The following ACOXL variants were observed in gnomAD, a reference collection of about 807,000 sequenced individuals.
ACOXL encodes acyl-CoA oxidase like.
ACOXL carries 70 observed loss-of-function variants against 71.9 expected under a neutral mutation model. That is an observed-to-expected ratio of 0.97 (90% CI 0.80 to 1.19). The LOEUF is 1.19. Ranked by LOEUF, ACOXL falls within the 50% of genes most tolerant of loss-of-function variation. The pLI is 0.00. For synonymous variants in ACOXL, 253 were observed against 281.6 expected (o/e 0.90, Z 1.02); for missense variants, 703 against 736.3 (o/e 0.95, Z 0.52).
rs72944291 is a variant in ACOXL, at chr2:110,970,127, A to T, written c.1060-16981A>T. 3.0e-3 allele frequency among the ~76,000 whole-genome samples: 458 copies of T among 152,262 alleles called. 2 individuals carry two copies. Among genetic ancestry groups the T allele is most frequent in the African/African-American group, 0.01 (422 of 41,570 alleles). On this transcript the variant is annotated intron_variant, in intron 12 of 17. Transcript: ENST00000439055. ...AATAGAAGAGGAGAGGTACTCCTTG[A>T]TTATTTTAGAAGGCTAGTATTACTC...
chr2:111,007,304 A>G (rs1020705245), intron 14 of ACOXL, among the ~76,000 whole-genome samples: 4 of 152,144 alleles, frequency 2.6e-5, no homozygotes, highest in African/African-American at 9.7e-5. Flanking sequence ...CCATCAGTGG[A>G]TCTTTTTGGA....
intron 2 of ACOXL, among the ~76,000 whole-genome samples, chr2:110,781,326 G>T (rs1683296861): frequency 6.6e-6 from 1 of 152,256 alleles, no homozygotes; most frequent in East Asian, 1.9e-4. Context: ...GGGCACAAGA[G>T]TCTGGTGAAG....
Position 111,031,713 on chromosome 2 carries a change from A to T in ACOXL, c.1368A>T (p.Arg456=). ...VASLSLAHTH[R]VTLEQFSLAV... is the part of the protein sequence containing the mutation. ...CTCTGTCCCTGGCACACACTCACCG[A>T]GGTCAGTTGGCTCCTGTTGAATATT... is the stretch of plus-strand genomic sequence containing the variant. Residue 456 remains arginine, a splice_region_variant and synonymous_variant, in exon 15 of 18, where the codon CGA becomes CGT. Coordinates refer to ENST00000439055, the MANE Select transcript of ACOXL (RefSeq NM_001142807.4). 1 of 1,614,092 alleles carries T rather than the reference A, an allele frequency of 6.2e-7. No homozygotes were observed. Among genetic ancestry groups the T allele is most frequent in the Non-Finnish European group, 8.5e-7 (1 of 1,180,016 alleles).
chr2:110,991,429 G>A (rs1264785928), intron 13 of ACOXL, among the ~76,000 whole-genome samples: 3 of 152,074 alleles, frequency 2.0e-5, no homozygotes, highest in African/African-American at 7.2e-5. Flanking sequence ...GCTCATGAAT[G>A]TATTGTCTCC....
chr2:111,043,882 A>G (rs574884802), intron 15 of ACOXL, among the ~76,000 whole-genome samples: 2 of 152,210 alleles, frequency 1.3e-5, no homozygotes, highest in African/African-American at 4.8e-5. Context: ...TGAGAGCCAC[A>G]TTTCCCTACC....
intron 10 of ACOXL, among the ~76,000 whole-genome samples, chr2:110,866,454 A>G (rs1429216346): frequency 6.6e-6 from 1 of 152,210 alleles, no homozygotes; most frequent in African/African-American, 2.4e-5. Context: ...ATGAATAGCC[A>G]GAGCCGAATG....
intron 10 of ACOXL, among the ~76,000 whole-genome samples, chr2:110,876,194 T>A (rs1344906437): frequency 1.3e-5 from 2 of 152,228 alleles, no homozygotes; most frequent in African/African-American, 4.8e-5. Flanking sequence ...CATCTTGTAA[T>A]GCTCCATCTT....
Position 110,805,310 on chromosome 2 carries a change from A to G in ACOXL, c.668A>G (p.Asn223Ser). ...GGACAGTACCATTCGCCTATTAGGAACAAGAGTGCAAGATTCAATGCCATG... is the reference window on the plus strand; with the variant it reads ...GGACAGTACCATTCGCCTATTAGGAGCAAGAGTGCAAGATTCAATGCCATG... ...PDGQYHSPIR[N>S]KSARFNAMLA... is the part of the protein sequence containing the mutation. The change falls in exon 9 of 18, where the codon AAC (asparagine) becomes AGC (serine). Residue 223 changes from asparagine (N) to serine (S), a missense_variant. Coordinates refer to ENST00000439055, the MANE Select transcript of ACOXL (RefSeq NM_001142807.4). 2 of 1,614,248 alleles carry G rather than the reference A, an allele frequency of 1.2e-6. No individual in the cohort carries two copies. The highest frequency in any genetic ancestry group is 1.7e-6 in the Non-Finnish European group (2 of 1,180,048).
intron 17 of ACOXL, among the ~76,000 whole-genome samples, chr2:111,116,485 T>C (rs1003260692): frequency 2.5e-5 from 3 of 119,582 alleles, no homozygotes. Flanking sequence ...GGGACCTCAC[T>C]GAAAACCTGA....
intron 9 of ACOXL, among the ~76,000 whole-genome samples, chr2:110,814,595 A>C (rs1687707203): frequency 6.6e-6 from 1 of 152,234 alleles, no homozygotes; most frequent in South Asian, 2.1e-4. Flanking sequence ...GAAGGGAAGC[A>C]AAATAATGGT....
rs2070474977 is a variant in ACOXL at position 111,117,990 on chromosome 2, T to C, written c.*174T>C. 1 of 749,420 alleles carries C rather than the reference T, an allele frequency of 1.3e-6. No homozygotes were observed. Among genetic ancestry groups the C allele is most frequent in the South Asian group, 1.9e-5 (1 of 53,472 alleles). 46.4% of individuals were successfully genotyped at this position (749,420 alleles called of 1,614,324 possible). ...GCTGGCGAGGTGCGCGGCTGGCTGC[T>C]AGGAAAGAGATCCAGACGGTCGCCT... On this transcript the variant is annotated 3_prime_UTR_variant, in exon 18 of 18. Transcript: ENST00000439055.
intron 10 of ACOXL, among the ~76,000 whole-genome samples, chr2:110,863,374 TATG>T (rs1445550424): frequency 1.3e-5 from 2 of 152,210 alleles, no homozygotes; most frequent in Non-Finnish European, 2.9e-5. Flanking sequence ...TTTTCCAAAA[TATG>T]AAGGCAATAT....
intron 10 of ACOXL, among the ~76,000 whole-genome samples, chr2:110,878,924 G>C (rs557798605): frequency 7.2e-5 from 11 of 152,098 alleles, no homozygotes; most frequent in Non-Finnish European, 1.3e-4. Context: ...CAGGCATGGT[G>C]GTGGGTGCCT....
intron 9 of ACOXL, among the ~76,000 whole-genome samples, chr2:110,826,445 T>C (rs1689170212): frequency 6.6e-6 from 1 of 152,196 alleles, no homozygotes; most frequent in African/African-American, 2.4e-5. Flanking sequence ...CTTCTCAGAG[T>C]TGATGGGCTT....
intron 1 of ACOXL, among the ~76,000 whole-genome samples, chr2:110,764,467 C>T (rs1680786853): frequency 6.6e-6 from 1 of 152,040 alleles, no homozygotes; most frequent in Admixed American, 6.5e-5. Flanking sequence ...AAAGGCAAAA[C>T]TATGGAGACA....
intron 14 of ACOXL, among the ~76,000 whole-genome samples, chr2:111,023,262 A>C (rs749936284): frequency 2.0e-5 from 3 of 152,120 alleles, no homozygotes; most frequent in Non-Finnish European, 2.9e-5. Flanking sequence ...AGCACGGTCA[A>C]ATCACTCTAA....
At chr2:110,772,740 C>T (rs1034366515) in intron 2 of ACOXL, among the ~76,000 whole-genome samples, 1 of 152,184 alleles carries the variant, frequency 6.6e-6, no homozygotes, top group African/African-American at 2.4e-5. Flanking sequence ...CAAAGTAAGG[C>T]CCGAGGACCC....
At chr2:111,117,534 C>T (rs2070447379) in intron 17 of ACOXL, 82 bp from the exon 18 acceptor site, 2 of 1,426,238 alleles carry the variant, frequency 1.4e-6, no homozygotes, top group Admixed American at 2.0e-5. Context: ...TGTGCGGGTG[C>T]TTGGTGGGCT....
At chr2:110,737,364 G>T (rs1046457510) in intron 1 of ACOXL, among the ~76,000 whole-genome samples, 1 of 152,150 alleles carries the variant, frequency 6.6e-6, no homozygotes, top group Non-Finnish European at 1.5e-5. Flanking sequence ...TATAGAAAAC[G>T]AATGTTTCTC....
Sources: allele counts gnomAD v4.1 joint callset (sites outside exome capture counted in the v4.1 genomes callset), GRCh38; gene constraint gnomAD v4.1.1; transcripts MANE v1.5; gene names NCBI Gene and HGNC (gene_info 2026-07-23, HGNC 2026-07-21).